The following CDH12 variants were observed in gnomAD, a reference collection of about 807,000 sequenced individuals.
CDH12 encodes the protein cadherin 12, also known as cadherin-12.
CDH12 carries 41 observed loss-of-function variants against 74.1 expected under a neutral mutation model. The observed-to-expected ratio is 0.55, with a 90% CI of 0.43 to 0.72. The LOEUF is 0.72. Among genes scored for constraint, CDH12 ranks in the 30% least tolerant of loss-of-function variants. The probability of loss-of-function intolerance (pLI) is 0.00; values close to 1 mark genes in which losing one functional copy is unlikely to be tolerated. For missense variants in CDH12, 945 were observed against 977.2 expected (o/e 0.97, Z 0.44); for synonymous variants, 399 against 355.0 (o/e 1.12, Z -1.39).
intron 6 of CDH12, among the ~76,000 whole-genome samples, chr5:21,926,491 T>C (rs188222664): frequency 4.8e-4 from 73 of 152,332 alleles, no homozygotes; most frequent in Middle Eastern, 3.4e-3. Context: ...GTTTTACTTA[T>C]ATAAAAATAT....
intron 3 of CDH12, among the ~76,000 whole-genome samples, chr5:22,383,038 G>C (rs1306573022): frequency 6.6e-6 from 1 of 151,992 alleles, no homozygotes; most frequent in Non-Finnish European, 1.5e-5. Context: ...CACTATGTTG[G>C]CCAGGCTGGT....
At chr5:22,792,901 G>T (rs918695819) in intron 1 of CDH12, among the ~76,000 whole-genome samples, 1 of 152,284 alleles carries the variant, frequency 6.6e-6, no homozygotes, top group East Asian at 1.9e-4. Context: ...AGGAAATAAT[G>T]TGCATAAAGC....
At chr5:21,879,462 ATATTTGATGCTACTTTAAAGTGTG>A (rs1239686732) in intron 6 of CDH12, among the ~76,000 whole-genome samples, 1 of 151,576 alleles carries the variant, frequency 6.6e-6, no homozygotes, top group Non-Finnish European at 1.5e-5. Context: ...GCAGTGAAAT[ATATTTGATGCTACTTTAAAGTGTG>A]TATTTGATGA....
chr5:22,025,555 G>T (rs546745247), intron 5 of CDH12, among the ~76,000 whole-genome samples: 2 of 152,224 alleles, frequency 1.3e-5, no homozygotes, highest in South Asian at 4.2e-4. Context: ...TGATCAGGGT[G>T]GTGGTTGCTG....
chr5:22,461,909 C>T (rs1454026748), intron 2 of CDH12, among the ~76,000 whole-genome samples: 2 of 151,688 alleles, frequency 1.3e-5, no homozygotes. Flanking sequence ...ATCAATATTG[C>T]TGAAATTTTT....
At chr5:22,298,984 C>G (rs566943029) in intron 3 of CDH12, among the ~76,000 whole-genome samples, 3 of 152,264 alleles carry the variant, frequency 2.0e-5, no homozygotes, top group Admixed American at 6.5e-5. Flanking sequence ...CTACTATAAT[C>G]TAGACACTGT....
intron 4 of CDH12, among the ~76,000 whole-genome samples, chr5:22,110,816 A>C (rs1187711419): frequency 6.6e-6 from 1 of 152,108 alleles, no homozygotes; most frequent in African/African-American, 2.4e-5. Context: ...TCTCTCATTA[A>C]TGTTACAAAG....
chr5:22,016,190 A>G (rs1164385967), intron 5 of CDH12, among the ~76,000 whole-genome samples: 2 of 152,080 alleles, frequency 1.3e-5, no homozygotes, highest in Non-Finnish European at 2.9e-5. Context: ...AGCTTCCTCA[A>G]ACTGTAGAGT....
At chr5:21,808,900 G>A (rs190312892) in intron 9 of CDH12, among the ~76,000 whole-genome samples, 247 of 152,110 alleles carry the variant, frequency 1.6e-3, no homozygotes, top group African/African-American at 5.5e-3. Flanking sequence ...ACAATGAAAT[G>A]TAGTTAAGTT....
At chr5:22,104,013 A>G (rs1455747980) in intron 4 of CDH12, among the ~76,000 whole-genome samples, 1 of 152,182 alleles carries the variant, frequency 6.6e-6, no homozygotes, top group East Asian at 1.9e-4. Flanking sequence ...TATTCACTGA[A>G]ATTAAACAAA....
chr5:21,943,819 A>T (rs1259871397), intron 6 of CDH12, among the ~76,000 whole-genome samples: 2 of 152,358 alleles, frequency 1.3e-5, no homozygotes, highest in Non-Finnish European at 2.9e-5. Flanking sequence ...GTGCAAAATT[A>T]AAATATAGGA....
Position 22,150,143 on chromosome 5 carries a change from C to T in CDH12, c.-187+62355G>A, listed in dbSNP as rs1441221002. ...CTTTAATTCTATATTACATTTACAT[C>T]GACATCCACTCAGGTATGAATATTC... On this transcript the variant is annotated intron_variant, in intron 4 of 14. Coordinates refer to ENST00000382254, the MANE Select transcript of CDH12 (RefSeq NM_004061.5). Among the ~76,000 whole-genome samples, 6 of 151,968 alleles carry T rather than the reference C, an allele frequency of 3.9e-5. No individual in the cohort carries two copies. In the East Asian group the frequency reaches 5.8e-4, roughly 15 times the overall value.
At chr5:22,354,972 C>T (rs1740501018) in intron 3 of CDH12, among the ~76,000 whole-genome samples, 1 of 152,058 alleles carries the variant, frequency 6.6e-6, no homozygotes, top group Non-Finnish European at 1.5e-5. Context: ...TGACTAGGGC[C>T]ATCTGAGTTC....
chr5:22,623,142 A>G (rs1738070278), intron 1 of CDH12, among the ~76,000 whole-genome samples: 1 of 152,192 alleles, frequency 6.6e-6, no homozygotes, highest in South Asian at 2.1e-4. Context: ...AAAACTCTCA[A>G]TAAATTAGGT....
At chr5:21,790,692 G>C (rs887603300) in intron 10 of CDH12, among the ~76,000 whole-genome samples, 2 of 152,034 alleles carry the variant, frequency 1.3e-5, no homozygotes, top group African/African-American at 2.4e-5. Context: ...CATAGGGATA[G>C]AGTCATGTGT....
intron 1 of CDH12, among the ~76,000 whole-genome samples, chr5:22,546,907 A>G (rs1403827992): frequency 6.6e-6 from 1 of 152,254 alleles, no homozygotes; most frequent in Non-Finnish European, 1.5e-5. Context: ...AAGCAAATGC[A>G]AAACAAATAA....
intron 6 of CDH12, among the ~76,000 whole-genome samples, chr5:21,958,787 G>A (rs561538422): frequency 6.6e-6 from 1 of 152,154 alleles, no homozygotes; most frequent in Non-Finnish European, 1.5e-5. Flanking sequence ...CTCTTTTTTG[G>A]TTCCACATGA....
chr5:22,293,295 C>T (rs977764890), intron 3 of CDH12, among the ~76,000 whole-genome samples: 2 of 152,108 alleles, frequency 1.3e-5, no homozygotes, highest in Non-Finnish European at 1.5e-5. Context: ...GTTTGGTGTG[C>T]TCTTGCAGTG....
chr5:21,802,478 G>A, intron 9 of CDH12, 58 bp from the exon 10 acceptor site: 1 of 1,424,552 alleles, frequency 7.0e-7, no homozygotes, highest in Non-Finnish European at 9.8e-7. Flanking sequence ...TGGCAGAAAT[G>A]GTGAACATTA....
Sources: allele counts gnomAD v4.1 joint callset (sites outside exome capture counted in the v4.1 genomes callset), GRCh38; gene constraint gnomAD v4.1.1; transcripts MANE v1.5; gene names NCBI Gene and HGNC (gene_info 2026-07-23, HGNC 2026-07-21).